EPB41L2: variants seen among roughly 807,000 people sequenced by gnomAD.
EPB41L2 encodes the protein band 4.1-like protein 2.
EPB41L2 carries 43 observed loss-of-function variants against 113.0 expected under a neutral mutation model. The observed-to-expected ratio is 0.38, with a 90% CI of 0.30 to 0.49. The LOEUF is 0.49. Among genes scored for constraint, EPB41L2 ranks in the 20% least tolerant of loss-of-function variants. The pLI is 0.95. For missense variants in EPB41L2, 1,147 were observed against 1,223.4 expected (o/e 0.94, Z 0.93); for synonymous variants, 442 against 436.7 (o/e 1.01, Z -0.15).
intron 3 of EPB41L2, among the ~76,000 whole-genome samples, chr6:130,951,123 G>C (rs1814776142): frequency 6.6e-6 from 1 of 151,666 alleles, no homozygotes; most frequent in Non-Finnish European, 1.5e-5. Context: ...CAGGCATGGT[G>C]GCATGCATCT....
At chr6:130,954,040 C>CTTTTCTTTTTTT (rs1816394367) in intron 3 of EPB41L2, among the ~76,000 whole-genome samples, 1 of 58,850 alleles carries the variant, frequency 1.7e-5, no homozygotes, top group African/African-American at 5.4e-5. Context: ...CCTTTTCTTT[C>CTTTTCTTTTTTT]TTTTTTTTTT....
At chr6:130,876,357 A>G (rs2128459658) in intron 14 of EPB41L2, among the ~76,000 whole-genome samples, 2 of 152,358 alleles carry the variant, frequency 1.3e-5, no homozygotes, top group South Asian at 2.1e-4. Context: ...AGTATTGTAC[A>G]AACAGTGCAC....
At chr6:131,035,521 T>G (rs1235056318) in intron 1 of EPB41L2, among the ~76,000 whole-genome samples, 4 of 152,224 alleles carry the variant, frequency 2.6e-5, no homozygotes, top group Non-Finnish European at 5.9e-5. Context: ...CCAACTGAAG[T>G]CAATAAATAT....
chr6:130,906,557 C>A (rs1250416966), intron 5 of EPB41L2, among the ~76,000 whole-genome samples: 1 of 152,106 alleles, frequency 6.6e-6, no homozygotes. Context: ...AACAGTCCTT[C>A]TAGCTACAGA....
At chr6:130,862,002 T>G (rs994535434) in intron 18 of EPB41L2, among the ~76,000 whole-genome samples, 2 of 152,198 alleles carry the variant, frequency 1.3e-5, no homozygotes, top group East Asian at 3.9e-4. Flanking sequence ...AAAAAGGAGA[T>G]TACTGTCCTT....
intron 3 of EPB41L2, among the ~76,000 whole-genome samples, chr6:130,937,914 A>G (rs763039490): frequency 6.6e-5 from 10 of 152,182 alleles, no homozygotes; most frequent in Non-Finnish European, 1.2e-4. Context: ...TTTGTGAAAG[A>G]AATCATCAGG....
chr6:130,900,904 C>CAAGAG, intron 7 of EPB41L2, 58 bp downstream of exon 7: 1 of 1,573,306 alleles, frequency 6.4e-7, no homozygotes, highest in Non-Finnish European at 8.7e-7. Flanking sequence ...GTAAGTGCTA[C>CAAGAG]AAGAGAAGCT....
intron 3 of EPB41L2, among the ~76,000 whole-genome samples, chr6:130,927,330 C>T (rs1762518152): frequency 6.6e-6 from 1 of 151,910 alleles, no homozygotes; most frequent in South Asian, 2.1e-4. Context: ...ATATTTTTAC[C>T]TTGAATATAT....
chr6:130,921,533 T>G (rs1562491331), intron 4 of EPB41L2, among the ~76,000 whole-genome samples: 1 of 152,154 alleles, frequency 6.6e-6, no homozygotes, highest in South Asian at 2.1e-4. Context: ...CGGACAAACT[T>G]TAAACTCCGC....
chr6:130,925,550 A>G (rs1404650170), intron 4 of EPB41L2, among the ~76,000 whole-genome samples: 1 of 152,184 alleles, frequency 6.6e-6, no homozygotes, highest in Non-Finnish European at 1.5e-5. Context: ...TACATATTGT[A>G]CAACATACTG....
At chr6:131,060,610 T>C (rs1211523453) in intron 1 of EPB41L2, among the ~76,000 whole-genome samples, 1 of 152,226 alleles carries the variant, frequency 6.6e-6, no homozygotes, top group African/African-American at 2.4e-5. Context: ...TCTAACTAGC[T>C]CAGCAACTCA....
chr6:130,872,977 T>C (rs992409405), intron 14 of EPB41L2, among the ~76,000 whole-genome samples: 4 of 152,188 alleles, frequency 2.6e-5, no homozygotes, highest in Non-Finnish European at 4.4e-5. Context: ...TATCTGCACA[T>C]TCTGGGCCTT....
intron 3 of EPB41L2, among the ~76,000 whole-genome samples, chr6:130,947,846 G>T (rs1228062796): frequency 6.6e-6 from 1 of 152,148 alleles, no homozygotes; most frequent in East Asian, 1.9e-4. Context: ...AAAGGAAAAT[G>T]CAATAAAATG....
intron 3 of EPB41L2, 74 bp downstream of exon 3, chr6:130,955,018 GGAACTTAATAAAA>G: frequency 1.7e-6 from 2 of 1,185,752 alleles, no homozygotes; most frequent in Non-Finnish European, 2.5e-6. Context: ...CTGGCTTACA[GGAACTTAATAAAA>G]CACAAAAATC....
At chr6:131,016,477 AACACACACACACACACACACACACACAC>A (rs10584309) in intron 1 of EPB41L2, among the ~76,000 whole-genome samples, 1 of 143,434 alleles carries the variant, frequency 7.0e-6, no homozygotes, top group African/African-American at 2.6e-5. Context: ...TTAATAAGGA[AACACACACACACACACACACACACACAC>A]ACACACACAC....
intron 1 of EPB41L2, among the ~76,000 whole-genome samples, chr6:131,010,465 TAC>T: frequency 6.6e-6 from 1 of 151,300 alleles, no homozygotes; most frequent in South Asian, 2.1e-4. Context: ...CAGGCTGGAG[TAC>T]AGTGGTGCAA....
At chr6:130,912,372 C>T (rs1305687852) in intron 4 of EPB41L2, among the ~76,000 whole-genome samples, 1 of 152,218 alleles carries the variant, frequency 6.6e-6, no homozygotes, top group Non-Finnish European at 1.5e-5. Context: ...CATTAACTGA[C>T]ACTATTAAAA....
chr6:130,919,981 T>C (rs901265152), intron 4 of EPB41L2, among the ~76,000 whole-genome samples: 5 of 152,240 alleles, frequency 3.3e-5, no homozygotes, highest in African/African-American at 9.6e-5. Context: ...CTAAGATTTT[T>C]TTTTTTAACA....
At chr6:130,993,884 G>C (rs143502651) in intron 1 of EPB41L2, among the ~76,000 whole-genome samples, 1 of 152,082 alleles carries the variant, frequency 6.6e-6, no homozygotes, top group Non-Finnish European at 1.5e-5. Flanking sequence ...CCCTTGGCTC[G>C]GATGAAAAAT....
Sources: gnomAD v4.1 joint callset for allele counts (sites outside exome capture counted in the v4.1 genomes callset) on GRCh38, gnomAD v4.1.1 for gene constraint, MANE v1.5 for transcripts, NCBI Gene and HGNC (gene_info 2026-07-23, HGNC 2026-07-21) for gene names.